Variants in PPA1 observed in about 807,000 individuals in gnomAD.
PPA1 encodes the protein inorganic pyrophosphatase.
A neutral mutation model predicts 41.8 loss-of-function variants in PPA1; 23 were observed. The ratio of observed to expected loss-of-function variants is 0.55; its 90% CI spans 0.40 to 0.78. The LOEUF (loss-of-function observed/expected upper bound fraction) is 0.78, where lower values mean the gene tolerates loss of function less well. Among genes scored for constraint, PPA1 ranks in the 30% least tolerant of loss-of-function variants. PPA1 has a pLI of 0.00. For missense variants in PPA1, 320 were observed against 361.6 expected (o/e 0.89, Z 0.93); for synonymous variants, 101 against 116.8 (o/e 0.86, Z 0.87).
chr10:70,209,722 G>A (rs201256577), intron 6 of PPA1, 37 bp from the exon 7 acceptor site: 25 of 1,541,786 alleles, frequency 1.6e-5, no homozygotes, highest in Non-Finnish European at 2.1e-5. Flanking sequence ...CAGTGAGAAT[G>A]ATTTTTTTAA....
intron 1 of PPA1, among the ~76,000 whole-genome samples, chr10:70,231,311 A>G (rs767914559): frequency 1.3e-5 from 2 of 152,222 alleles, no homozygotes; most frequent in Non-Finnish European, 2.9e-5. Context: ...TCACGCCTGT[A>G]ATCCCAGCAC....
rs534365640 is a variant in PPA1, at chr10:70,232,644, G to A, written c.64+620C>T. Among the ~76,000 whole-genome samples the A allele has an allele frequency of 5.3e-5, 8 of 152,276 alleles. No homozygotes were observed. In the South Asian group the frequency reaches 1.7e-3, roughly 32 times the overall value. On this transcript the variant is annotated intron_variant, in intron 1 of 10. Transcript: ENST00000373232. ...GGGAAACAGCTTTCTGTTTCATAAGGAGCATTCCCAGCATCGGCGCTGAGG... is the reference window on the plus strand; with the variant it reads ...GGGAAACAGCTTTCTGTTTCATAAGAAGCATTCCCAGCATCGGCGCTGAGG...
intron 2 of PPA1, among the ~76,000 whole-genome samples, chr10:70,222,891 T>C (rs1382526796): frequency 7.3e-6 from 1 of 137,556 alleles, no homozygotes; most frequent in Non-Finnish European, 1.5e-5. Flanking sequence ...TGTCCACGTG[T>C]TCTCATTGTT....
In PPA1 at chr10:70,230,012, G is replaced by A. The variant is rs145203179; in HGVS notation, c.123+329C>T. ...CAACCTCTGCCTCCCAGGCACAAGC[G>A]ATCCTCTCACCTCAGCCTTCCAAGT... On this transcript the variant is annotated intron_variant, in intron 2 of 10. Transcript: ENST00000373232. 3.7e-3 allele frequency among the ~76,000 whole-genome samples: 564 copies of A among 152,090 alleles called. 6 individuals carry two copies. The highest frequency in any genetic ancestry group is 0.013 in the African/African-American group (543 of 41,508).
chr10:70,232,663 G>C (rs1395577037), intron 1 of PPA1, among the ~76,000 whole-genome samples: 1 of 152,166 alleles, frequency 6.6e-6, no homozygotes, highest in African/African-American at 2.4e-5. Flanking sequence ...CAGCATCGGC[G>C]CTGAGGGAAA....
rs547405964 is a variant in PPA1 at position 70,218,365 on chromosome 10, T to G, written c.177+399A>C. The G allele has an allele frequency of 8.2e-5, 15 of 183,132 alleles. 1 individual carries two copies. In the South Asian group the frequency reaches 2.3e-3, roughly 28 times the overall value. The allele number at this position is 183,132 out of a possible 1,614,324, so 11.3% of individuals were successfully genotyped here. On this transcript the variant is annotated intron_variant, in intron 3 of 10. Transcript: ENST00000373232. ...AGAGTTTGTGATATAAAATATGTTA[T>G]AAATATCCATAACAAAAAGGCAATG...
chr10:70,227,571 T>C (rs981262102), intron 2 of PPA1, among the ~76,000 whole-genome samples: 4 of 147,374 alleles, frequency 2.7e-5, no homozygotes, highest in African/African-American at 7.4e-5. Context: ...GGATCACTTG[T>C]GCCTGAGAGG....
rs1352343609 is a variant in PPA1, at chr10:70,233,280, C to T, written c.48G>A (p.Glu16=). 6.5e-7 allele frequency: 1 copy of T among 1,543,022 alleles called. No homozygotes were observed. ...TEERAAPFSL[E]YRVFLKNEKG... ...GACACTCACTGAGGAAGACTCGGTA[C>T]TCCAGGGAGAAGGGCGCGGCGCGCT... Residue 16 remains glutamate, a synonymous_variant, in exon 1 of 11, where the codon GAG becomes GAA. Coordinates refer to ENST00000373232, the MANE Select transcript of PPA1 (RefSeq NM_021129.4).
intron 8 of PPA1, among the ~76,000 whole-genome samples, chr10:70,208,794 C>CTTTTTTTTTTTTTTTTTTTTTCTTT (rs141989298): frequency 7.9e-6 from 1 of 126,632 alleles, no homozygotes. Flanking sequence ...TTCTCGTACT[C>CTTTTTTTTTTTTTTTTTTTTTCTTT]TTTTTTTTTT....
Position 70,230,330 on chromosome 10 carries a change from G to T in PPA1, c.123+11C>A, listed in dbSNP as rs770130944. ...GTAAAGAGACTGTGTCCAAAAACAA[G>T]GATGCCTTACCTTATCTGCATAAAT... On this transcript the variant is annotated intron_variant, in intron 2 of 10. Coordinates refer to ENST00000373232, the MANE Select transcript of PPA1 (RefSeq NM_021129.4). The T allele has an allele frequency of 6.2e-7, 1 of 1,612,602 alleles. No homozygotes were observed.
At chr10:70,229,756 C>T (rs1210797476) in intron 2 of PPA1, among the ~76,000 whole-genome samples, 1 of 152,052 alleles carries the variant, frequency 6.6e-6, no homozygotes, top group Non-Finnish European at 1.5e-5. Context: ...GACTTTAGTT[C>T]CAAATACACA....
In PPA1 at chr10:70,213,483, G is replaced by A. The variant is rs183827078; in HGVS notation, c.491C>T (p.Pro164Leu). Reference protein sequence around the residue: ...WKVIAINVDDPDAANYNDIND... With the variant: ...WKVIAINVDDLDAANYNDIND... ...CTTACCATTATAATTGGCTGCATCA[G>A]GATCATCCACATTAATGGCAATGAC... Residue 164 changes from proline to leucine, a missense_variant, in exon 6 of 11, where the codon CCT becomes CTT. Transcript: ENST00000373232. The A allele has an allele frequency of 6.2e-7, 1 of 1,613,932 alleles. No homozygotes were observed. The highest frequency in any genetic ancestry group is 2.2e-5 in the East Asian group (1 of 44,860).
intron 8 of PPA1, among the ~76,000 whole-genome samples, chr10:70,208,114 C>T (rs1313596020): frequency 1.3e-5 from 2 of 152,060 alleles, no homozygotes; most frequent in Admixed American, 6.6e-5. Flanking sequence ...CTCTTGAATC[C>T]GGGAAGCGGA....
Position 70,209,685 on chromosome 10 carries a change from T to A in PPA1, c.512A>T (p.Asp171Val), listed in dbSNP as rs373141245. ...VDDPDAANYNDINDVKRLKPG... is the reference protein window; with the variant it reads ...VDDPDAANYNVINDVKRLKPG... The stretch of plus-strand genomic sequence containing the variant: ...TTTCAGCCGTTTGACATCATTGATA[T>A]CTAAGAAGAGAAGAAGCATAAGATG... Residue 171 changes from aspartate (D) to valine (V), a missense_variant and splice_region_variant, in exon 7 of 11, where the codon GAT becomes GTT. Physicochemically the swap from Asp to Val is radical, Grantham distance 152. Coordinates refer to ENST00000373232, the MANE Select transcript of PPA1 (RefSeq NM_021129.4). 2.0e-5 allele frequency: 32 copies of A among 1,591,300 alleles called. No homozygotes were observed. Among genetic ancestry groups the A allele is most frequent in the Non-Finnish European group, 2.3e-5 (27 of 1,165,192 alleles).
intron 6 of PPA1, among the ~76,000 whole-genome samples, chr10:70,211,750 G>T (rs1016863601): frequency 6.6e-6 from 1 of 152,090 alleles, no homozygotes; most frequent in Non-Finnish European, 1.5e-5. Context: ...TGATGGGCTT[G>T]GCTTCACTAA....
In PPA1 at chr10:70,217,933, T is replaced by C. The variant is rs775918409; in HGVS notation, c.178-2A>G. 9.1e-6 allele frequency: 14 copies of C among 1,545,458 alleles called. No individual in the cohort carries two copies. The highest frequency in any genetic ancestry group is 2.3e-5 in the East Asian group (1 of 43,890). On this transcript the variant is annotated splice_acceptor_variant, in intron 3 of 10. Coordinates refer to ENST00000373232, the MANE Select transcript of PPA1 (RefSeq NM_021129.4). LOFTEE classifies it high-confidence loss of function. Reference sequence around the variant, plus strand: ...GTTTAAAGGGTCCTTTGTAGCAATCTGAAATAAGAAAATTTCAAATCTTTG... The same window carrying C: ...GTTTAAAGGGTCCTTTGTAGCAATCCGAAATAAGAAAATTTCAAATCTTTG...
intron 2 of PPA1, among the ~76,000 whole-genome samples, chr10:70,225,490 C>T (rs890299714): frequency 3.3e-5 from 5 of 152,028 alleles, no homozygotes; most frequent in Admixed American, 6.6e-5. Context: ...GCTAGAATTA[C>T]GGGCATAAGC....
At position 70,206,848 on chromosome 10, in the gene PPA1, GGAGGAGAGGA is replaced by G. The variant is rs767618969; in HGVS notation, c.726-525_726-516del. Reference sequence around the variant, plus strand: ...ACAGAGCAAGACTGCGTTGCAATAAGGAGGAGAGGAGAGGAGAGGAGGGGAGGGGAGGGGA... The same window carrying G: ...ACAGAGCAAGACTGCGTTGCAATAAGGAGGAGAGGAGGGGAGGGGAGGGGA... On this transcript the variant is annotated intron_variant, in intron 8 of 10. Coordinates refer to ENST00000373232, the MANE Select transcript of PPA1 (RefSeq NM_021129.4). Among the ~76,000 whole-genome samples, 352 of 102,110 alleles carry G rather than the reference GGAGGAGAGGA, an allele frequency of 3.4e-3. 2 individuals are homozygous for G. The highest frequency in any genetic ancestry group is 4.8e-3 in the African/African-American group (112 of 23,218). The allele number at this position is 102,110 out of a possible 152,430, so 67.0% of individuals were successfully genotyped here.
chr10:70,213,698 C>T (rs1005066278), intron 5 of PPA1, 109 bp from the exon 6 acceptor site: 93 of 1,315,758 alleles, frequency 7.1e-5, no homozygotes, highest in Non-Finnish European at 8.7e-5. Flanking sequence ...TGAGAATTTA[C>T]CTGAAGATTG....
Sources: allele counts gnomAD v4.1 joint callset (sites outside exome capture counted in the v4.1 genomes callset), GRCh38; gene constraint gnomAD v4.1.1; transcripts MANE v1.5; gene names NCBI Gene and HGNC (gene_info 2026-07-23, HGNC 2026-07-21).